The following ENPP3 variants were observed in gnomAD, a reference collection of about 807,000 sequenced individuals.
The protein encoded by ENPP3 is ectonucleotide pyrophosphatase/phosphodiesterase family member 3.
ENPP3 carries 104 observed loss-of-function variants against 117.8 expected under a neutral mutation model. The observed-to-expected ratio is 0.88, with a 90% CI of 0.75 to 1.04. ENPP3 has a LOEUF of 1.04. Among genes scored for constraint, ENPP3 ranks in the 50% least tolerant of loss-of-function variants. The pLI is 0.00. For missense variants in ENPP3, 1,026 were observed against 1,051.9 expected (o/e 0.98, Z 0.34); for synonymous variants, 380 against 349.9 (o/e 1.09, Z -0.96).
chr6:131,640,458 T>C (rs1778017894), intron 1 of ENPP3, among the ~76,000 whole-genome samples: 1 of 152,234 alleles, frequency 6.6e-6, no homozygotes, highest in South Asian at 2.1e-4. Flanking sequence ...CTTAGTATTG[T>C]AACATAGCTT....
intron 16 of ENPP3, among the ~76,000 whole-genome samples, chr6:131,719,187 A>C (rs1779961425): frequency 6.6e-6 from 1 of 152,078 alleles, no homozygotes; most frequent in Non-Finnish European, 1.5e-5. Flanking sequence ...CATTGAGTTG[A>C]CATTGAGCAG....
chr6:131,678,044 T>C, intron 11 of ENPP3, 104 bp downstream of exon 11: 1 of 644,390 alleles, frequency 1.6e-6, no homozygotes, highest in East Asian at 2.7e-5. Context: ...CACAAATGTA[T>C]TTGATACATA....
intron 15 of ENPP3, among the ~76,000 whole-genome samples, chr6:131,701,894 A>AAG (rs1562461664): frequency 2.5e-5 from 3 of 118,988 alleles, no homozygotes; most frequent in Admixed American, 9.0e-5. Flanking sequence ...GAAAAAAAAA[A>AAG]AAAAGAAAAG....
chr6:131,669,774 T>G lies in ENPP3; in HGVS notation c.563-1474T>G, dbSNP rs1778701604. 2.6e-5 allele frequency among the ~76,000 whole-genome samples: 4 copies of G among 151,812 alleles called. No individual in the cohort carries two copies. In the South Asian group the frequency reaches 8.4e-4, roughly 32 times the overall value. On this transcript the variant is annotated intron_variant, in intron 6 of 24. Coordinates refer to ENST00000357639, the MANE Select transcript of ENPP3 (RefSeq NM_005021.5). ...AGAATCCTATGTAGTGGACTTGATA[T>G]GGGGCCCTAGAAGTTTCTGAAGGAG...
chr6:131,727,438 C>T (rs111773817), intron 20 of ENPP3, among the ~76,000 whole-genome samples: 9,093 of 151,598 alleles, frequency 0.06, 868 homozygotes, highest in African/African-American at 0.21. Flanking sequence ...GCCTGCAATC[C>T]CCGCTACTTG....
At chr6:131,681,330 C>G (rs949231263) in intron 11 of ENPP3, among the ~76,000 whole-genome samples, 9 of 152,196 alleles carry the variant, frequency 5.9e-5, no homozygotes, top group Admixed American at 2.6e-4. Flanking sequence ...TAGCACTTTC[C>G]ATGAATATTT....
chr6:131,655,608 G>A (rs1277493873), intron 5 of ENPP3, among the ~76,000 whole-genome samples: 5 of 152,174 alleles, frequency 3.3e-5, no homozygotes, highest in Admixed American at 6.6e-5. Context: ...GTTGATAACC[G>A]GGAGGAGAGA....
chr6:131,744,129 A>G (rs1780584663), intron 24 of ENPP3, among the ~76,000 whole-genome samples: 1 of 152,344 alleles, frequency 6.6e-6, no homozygotes, highest in South Asian at 2.1e-4. Context: ...AGCTATAGGA[A>G]TGATAGATTC....
intron 6 of ENPP3, among the ~76,000 whole-genome samples, chr6:131,668,471 T>C (rs1487095858): frequency 4.6e-5 from 7 of 152,062 alleles, no homozygotes; most frequent in Admixed American, 4.6e-4. Context: ...CGCCTCAGCC[T>C]CCCAAAATCC....
intron 19 of ENPP3, 135 bp downstream of exon 19, chr6:131,724,226 T>TAAAAAAAAAAACAAA: frequency 2.4e-6 from 1 of 416,524 alleles, no homozygotes; most frequent in East Asian, 4.9e-5. Flanking sequence ...ATACAAAAGG[T>TAAAAAAAAAAACAAA]AAAAAAAAAA....
At chr6:131,731,820 A>G (rs933553020) in intron 20 of ENPP3, among the ~76,000 whole-genome samples, 19 of 152,146 alleles carry the variant, frequency 1.2e-4, no homozygotes, top group African/African-American at 4.1e-4. Context: ...GTTCCCTGTC[A>G]TCTCTTGTGT....
At chr6:131,665,376 G>A (rs1778596128) in intron 6 of ENPP3, among the ~76,000 whole-genome samples, 1 of 152,006 alleles carries the variant, frequency 6.6e-6, no homozygotes, top group Non-Finnish European at 1.5e-5. Flanking sequence ...TCTGGTCCTG[G>A]TCTTTTTCTT....
chr6:131,716,701 GC>G (rs1410375449), intron 15 of ENPP3, among the ~76,000 whole-genome samples: 3 of 150,696 alleles, frequency 2.0e-5, no homozygotes, highest in Non-Finnish European at 4.4e-5. Flanking sequence ...GGGTGTGGTG[GC>G]TCATGCCTGT....
chr6:131,668,588 T>C (rs903527216), intron 6 of ENPP3, among the ~76,000 whole-genome samples: 1 of 152,206 alleles, frequency 6.6e-6, no homozygotes, highest in African/African-American at 2.4e-5. Flanking sequence ...CTGCTTCTTA[T>C]AGTTCCTAGT....
chr6:131,674,017 T>G (rs1187702632), intron 7 of ENPP3, 145 bp from the exon 8 acceptor site: 2 of 557,154 alleles, frequency 3.6e-6, no homozygotes, highest in Non-Finnish European at 6.3e-6. Flanking sequence ...TATCTCCTGA[T>G]ATGTAAGTTC....
intron 15 of ENPP3, among the ~76,000 whole-genome samples, chr6:131,718,268 A>G (rs1779940018): frequency 6.6e-6 from 1 of 152,232 alleles, no homozygotes; most frequent in Non-Finnish European, 1.5e-5. Flanking sequence ...CATATTAACC[A>G]AACTATTCTT....
In ENPP3 at chr6:131,722,396, C is replaced by G; in HGVS notation, c.1737C>G (p.His579Gln). The G allele has an allele frequency of 6.2e-7, 1 of 1,612,824 alleles. No homozygotes were observed. The highest frequency in any genetic ancestry group is 1.3e-5 in the African/African-American group (1 of 74,898). Residue 579 changes from histidine (H) to glutamine (Q), a missense_variant, in exon 18 of 25, where the codon CAC (histidine) becomes CAG (glutamine). Coordinates refer to ENST00000357639, the MANE Select transcript of ENPP3 (RefSeq NM_005021.5). ...AGTCTCTTGACTGTTTCTGCCCTCACCTACAAAATGTAAGTAACAACTTCA... is the reference window on the plus strand; with the variant it reads ...AGTCTCTTGACTGTTTCTGCCCTCAGCTACAAAATGTAAGTAACAACTTCA... ...PTESLDCFCP[H>Q]LQNSTQLEQV...
chr6:131,668,675 TG>T (rs1213727214), intron 6 of ENPP3, among the ~76,000 whole-genome samples: 4 of 152,232 alleles, frequency 2.6e-5, no homozygotes, highest in African/African-American at 9.6e-5. Context: ...TTTTTTTAAT[TG>T]TTTTTTTAGA....
chr6:131,674,989 G>T, intron 8 of ENPP3, 91 bp from the exon 9 acceptor site: 2 of 716,588 alleles, frequency 2.8e-6, no homozygotes, highest in South Asian at 3.3e-5. Context: ...AATACATGTT[G>T]CAACTATTAA....
Sources: allele counts gnomAD v4.1 joint callset (sites outside exome capture counted in the v4.1 genomes callset), GRCh38; gene constraint gnomAD v4.1.1; transcripts MANE v1.5; gene names NCBI Gene and HGNC (gene_info 2026-07-23, HGNC 2026-07-21).